Variants in ARSG observed in about 807,000 individuals in gnomAD.
ARSG encodes arylsulfatase G, also known as ASG.
A neutral mutation model predicts 50.5 loss-of-function variants in ARSG; 37 were observed. That is an observed-to-expected ratio of 0.73 (90% confidence interval 0.56 to 0.96). ARSG has a LOEUF of 0.96. ARSG is among the 50% of genes least tolerant of loss of function. The probability of loss-of-function intolerance (pLI) is 0.00; values close to 1 mark genes in which losing one functional copy is unlikely to be tolerated. For missense variants in ARSG, 629 were observed against 675.3 expected, an observed-to-expected ratio of 0.93 and a Z score of 0.76; for synonymous variants, 225 against 254.6, an observed-to-expected ratio of 0.88 and a Z score of 1.11.
chr17:68,401,904 A>C (rs113543389), intron 11 of ARSG, among the ~76,000 whole-genome samples: 24 of 152,282 alleles, frequency 1.6e-4, no homozygotes, highest in African/African-American at 5.5e-4. Context: ...TGTCTCTTAG[A>C]TGTATACTTT....
chr17:68,395,148 G>A lies in ARSG; in HGVS notation c.1167G>A (p.Val389=), dbSNP rs759217028. 10 of 1,614,138 alleles carry A rather than the reference G, an allele frequency of 6.2e-6. No individual in the cohort carries two copies. The highest frequency in any genetic ancestry group is 1.7e-4 in the Middle Eastern group (1 of 6,060). The change falls in exon 10 of 12, where the codon GTG becomes GTA. Residue 389 remains valine, a synonymous_variant. Coordinates refer to ENST00000621439, the MANE Select transcript of ARSG (RefSeq NM_001267727.2). ...CTCAAGGACGGCGCTTTGATGGTGT[G>A]GACGTCTCCGAGGTGCTCTTTGGCC... The part of the protein sequence containing the change: ...SLPQGRRFDG[V]DVSEVLFGRS...
At chr17:68,273,198 AT>A (rs1323036154) in intron 1 of ARSG, among the ~76,000 whole-genome samples, 1 of 151,282 alleles carries the variant, frequency 6.6e-6, no homozygotes, top group African/African-American at 2.4e-5. Context: ...GCCTCCTTTT[AT>A]TGTTCATTTC....
At chr17:68,401,895 G>T (rs1385650815) in intron 11 of ARSG, among the ~76,000 whole-genome samples, 1 of 152,172 alleles carries the variant, frequency 6.6e-6, no homozygotes, top group Admixed American at 6.5e-5. Flanking sequence ...GTGACTATCT[G>T]TCTCTTAGAT....
the ARSG span, chr17:68,430,001 G>A: frequency 1.9e-6 from 3 of 1,613,990 alleles, no homozygotes; most frequent in African/African-American, 2.7e-5. Flanking sequence ...CGTACGTTGA[G>A]AGGGTACAGA....
chr17:68,347,786 C>G (rs961190381), intron 4 of ARSG, among the ~76,000 whole-genome samples: 1 of 152,236 alleles, frequency 6.6e-6, no homozygotes, highest in African/African-American at 2.4e-5. Flanking sequence ...CGTGGACTTT[C>G]TCTTAAAGGC....
In ARSG at chr17:68,401,417, C is replaced by T. The variant is rs751663413; in HGVS notation, c.1270C>T (p.Arg424Cys). Residue 424 changes from arginine to cysteine, a missense_variant, in exon 11 of 12, where the codon CGC (arginine) becomes TGC (cysteine). Arg to Cys is a radical substitution (Grantham distance 180, BLOSUM62 -3). Coordinates refer to ENST00000621439, the MANE Select transcript of ARSG (RefSeq NM_001267727.2). ...AGAGTTTGGAGCCCTGCAGACTGTC[C>T]GCCTGGAGCGTTACAAGGCCTTCTA... ...AGEFGALQTV[R>C]LERYKAFYIT... 5 of 1,614,050 alleles carry T rather than the reference C, an allele frequency of 3.1e-6. No individual in the cohort carries two copies. Among genetic ancestry groups the T allele is most frequent in the Non-Finnish European group, 3.4e-6 (4 of 1,179,920 alleles).
intron 11 of ARSG, chr17:68,413,823 G>GT (rs763833866): frequency 2.6e-4 from 40 of 153,780 alleles, no homozygotes; most frequent in Non-Finnish European, 4.8e-4. Context: ...CTGGTGCGCC[G>GT]TTTTTTAAGC....
In ARSG at chr17:68,351,643, C is replaced by T. The variant is rs753781870; in HGVS notation, c.523C>T (p.His175Tyr). Residue 175 changes from histidine (H) to tyrosine (Y), a missense_variant, in exon 5 of 12, where the codon CAC becomes TAC. Physicochemically the swap from His to Tyr is moderately conservative, Grantham distance 83. Transcript: ENST00000621439. ...CTGTACTGATACTCCAGGCTACAACCACCCTCCTTGTCCAGCGTGTCCACA... is the reference window on the plus strand; with the variant it reads ...CTGTACTGATACTCCAGGCTACAACTACCCTCCTTGTCCAGCGTGTCCACA... ...MGCTDTPGYN[H>Y]PPCPACPQGD... 2 of 1,613,888 alleles carry T rather than the reference C, an allele frequency of 1.2e-6. No homozygotes were observed. The highest frequency in any genetic ancestry group is 1.7e-6 in the Non-Finnish European group (2 of 1,179,852).
upstream of ARSG, among the ~76,000 whole-genome samples, chr17:68,286,877 C>T (rs2075853938): frequency 6.6e-6 from 1 of 152,162 alleles, no homozygotes; most frequent in South Asian, 2.1e-4. Flanking sequence ...AAACTGAGCT[C>T]GGAGAAAGTG....
intron 2 of ARSG, among the ~76,000 whole-genome samples, chr17:68,334,942 A>T (rs1568482457): frequency 6.6e-6 from 1 of 152,184 alleles, no homozygotes; most frequent in Non-Finnish European, 1.5e-5. Context: ...AGGGGAGGGG[A>T]CATAGACCCC....
chr17:68,264,489 G>C (rs1349776420), intron 1 of ARSG, among the ~76,000 whole-genome samples: 3 of 151,970 alleles, frequency 2.0e-5, no homozygotes, highest in Admixed American at 2.0e-4. Context: ...GCCCAGGCTG[G>C]GGTACAATGG....
chr17:68,330,921 C>T (rs550983732), intron 2 of ARSG, among the ~76,000 whole-genome samples: 20 of 146,936 alleles, frequency 1.4e-4, no homozygotes, highest in South Asian at 2.1e-4. Flanking sequence ...GAACCAGGGA[C>T]GCTGCATTTT....
At chr17:68,342,339 T>C (rs762950742) in intron 2 of ARSG, among the ~76,000 whole-genome samples, 30 of 150,664 alleles carry the variant, frequency 2.0e-4, no homozygotes, top group Admixed American at 4.6e-4. Context: ...TATATATATA[T>C]ACATATATAT....
chr17:68,428,652 T>A, the ARSG span: 1 of 574,040 alleles, frequency 1.7e-6, no homozygotes, highest in Admixed American at 3.0e-5. Flanking sequence ...TACCACATGC[T>A]GAGGGCACCT....
At chr17:68,434,205 T>A in the ARSG span, among the ~76,000 whole-genome samples, 1 of 152,186 alleles carries the variant, frequency 6.6e-6, no homozygotes, top group African/African-American at 2.4e-5. Flanking sequence ...CTACATCCGA[T>A]AAGATCCCAA....
chr17:68,282,800 A>T (rs2075736707), intron 1 of ARSG, among the ~76,000 whole-genome samples: 1 of 147,372 alleles, frequency 6.8e-6, no homozygotes, highest in African/African-American at 2.5e-5. Flanking sequence ...AAAAAAAAAA[A>T]GGCCAGGTGT....
intron 2 of ARSG, among the ~76,000 whole-genome samples, chr17:68,341,976 T>TA (rs1460493872): frequency 6.6e-6 from 1 of 150,712 alleles, no homozygotes; most frequent in African/African-American, 2.4e-5. Flanking sequence ...TGCACCACCA[T>TA]GCCTGGCTGA....
intron 2 of ARSG, among the ~76,000 whole-genome samples, chr17:68,337,171 T>C (rs1426480736): frequency 1.3e-5 from 2 of 151,906 alleles, no homozygotes. Context: ...ATGGGAGCAA[T>C]TTTGGAGGGG....
intron 2 of ARSG, among the ~76,000 whole-genome samples, chr17:68,339,178 A>G (rs960099743): frequency 6.6e-6 from 1 of 152,156 alleles, no homozygotes; most frequent in Non-Finnish European, 1.5e-5. Context: ...AGTCCCAGCT[A>G]CAGCTCTCAG....
Sources: allele counts gnomAD v4.1 joint callset (sites outside exome capture counted in the v4.1 genomes callset), GRCh38; gene constraint gnomAD v4.1.1; transcripts MANE v1.5; gene names NCBI Gene and HGNC (gene_info 2026-07-23, HGNC 2026-07-21).